Variants in SMYD3 observed in about 807,000 individuals in gnomAD.
The protein encoded by SMYD3 is SET and MYND domain containing 3.
In SMYD3, 36 loss-of-function variants were observed where a neutral mutation model predicts 57.7. The ratio of observed to expected loss-of-function variants is 0.62; its 90% CI spans 0.48 to 0.82. The LOEUF is 0.82. SMYD3 is among the 40% of genes least tolerant of loss of function. SMYD3 has a pLI of 0.00. For missense variants in SMYD3, 515 were observed against 538.8 expected (o/e 0.96, Z 0.44); for synonymous variants, 211 against 195.0 (o/e 1.08, Z -0.68).
At chr1:246,472,341 C>A (rs1475287969) in intron 1 of SMYD3, among the ~76,000 whole-genome samples, 1 of 152,158 alleles carries the variant, frequency 6.6e-6, no homozygotes, top group African/African-American at 2.4e-5. Context: ...CTGGAAGCAC[C>A]TTTTACTATG....
intron 10 of SMYD3, among the ~76,000 whole-genome samples, chr1:245,822,242 T>C (rs549105590): frequency 0.013 from 2,001 of 151,904 alleles, 29 homozygotes; most frequent in South Asian, 0.028. Flanking sequence ...TTCATGTCCT[T>C]TGTAGGGACA....
At chr1:246,160,602 G>A (rs1306909074) in intron 5 of SMYD3, among the ~76,000 whole-genome samples, 2 of 152,166 alleles carry the variant, frequency 1.3e-5, no homozygotes, top group South Asian at 2.1e-4. Context: ...AGTTTCCCGA[G>A]GAATCAGAGA....
At position 245,806,866 on chromosome 1, in the gene SMYD3, C is replaced by A. The variant is rs191767494; in HGVS notation, c.1077-42717G>T. Among the ~76,000 whole-genome samples the A allele has an allele frequency of 6.0e-5, 8 of 133,340 alleles. No individual in the cohort carries two copies. The East Asian group carries it at 1.2e-3, about 20-fold the overall frequency. The allele number at this position is 133,340 out of a possible 152,430, so 87.5% of individuals were successfully genotyped here. On this transcript the variant is annotated intron_variant, in intron 10 of 11. Coordinates refer to ENST00000490107, the MANE Select transcript of SMYD3 (RefSeq NM_001167740.2). ...CGGAGCTTGCAGTGAGCCGAGATCG[C>A]GCCACTGCAGTCCGCAATCCGGCCT...
intron 5 of SMYD3, among the ~76,000 whole-genome samples, chr1:246,249,746 T>C (rs2063771731): frequency 6.6e-6 from 1 of 152,242 alleles, no homozygotes; most frequent in South Asian, 2.1e-4. Flanking sequence ...TCTTATCAAC[T>C]AATAAGATCA....
intron 1 of SMYD3, among the ~76,000 whole-genome samples, chr1:246,452,418 T>C (rs747968182): frequency 1.3e-5 from 2 of 152,070 alleles, no homozygotes; most frequent in African/African-American, 2.4e-5. Context: ...ACGAGAATCG[T>C]TTGAACTCGT....
intron 10 of SMYD3, among the ~76,000 whole-genome samples, chr1:245,856,226 C>T (rs2051231667): frequency 6.6e-6 from 1 of 152,222 alleles, no homozygotes; most frequent in Non-Finnish European, 1.5e-5. Flanking sequence ...ATCTAACCTG[C>T]CCATTTCTCT....
At chr1:246,156,046 G>A (rs192319940) in intron 5 of SMYD3, among the ~76,000 whole-genome samples, 36 of 151,688 alleles carry the variant, frequency 2.4e-4, no homozygotes, top group South Asian at 2.1e-4. Context: ...TACAGAGTTC[G>A]AAGGACAGAA....
At chr1:246,073,166 T>C (rs1402430981) in intron 5 of SMYD3, among the ~76,000 whole-genome samples, 1 of 152,224 alleles carries the variant, frequency 6.6e-6, no homozygotes, top group African/African-American at 2.4e-5. Context: ...ACAGTTTGTC[T>C]GTTCATAGCT....
chr1:245,825,213 G>A (rs993916918), intron 10 of SMYD3, among the ~76,000 whole-genome samples: 2 of 152,088 alleles, frequency 1.3e-5, no homozygotes, highest in African/African-American at 2.4e-5. Context: ...CTTTGCCAGC[G>A]TGTGTCAGCC....
intron 5 of SMYD3, among the ~76,000 whole-genome samples, chr1:245,987,900 TAAAAAG>T (rs1262683269): frequency 6.6e-6 from 1 of 152,032 alleles, no homozygotes; most frequent in African/African-American, 2.4e-5. Flanking sequence ...CTCTGAAACT[TAAAAAG>T]AAAAAAGAAA....
chr1:245,895,448 C>G (rs1410772466), intron 8 of SMYD3, among the ~76,000 whole-genome samples: 5 of 152,150 alleles, frequency 3.3e-5, no homozygotes, highest in Non-Finnish European at 7.3e-5. Context: ...TTGGGCTCAT[C>G]ATCCCACCAG....
At chr1:246,362,459 C>CTCTCCT (rs2066006435) in intron 1 of SMYD3, among the ~76,000 whole-genome samples, 1 of 7,804 alleles carries the variant, frequency 1.3e-4, no homozygotes. Context: ...CTCCCTCTCC[C>CTCTCCT]TCTCCACGGT....
At chr1:245,889,918 A>G (rs1300135572) in intron 8 of SMYD3, among the ~76,000 whole-genome samples, 1 of 152,216 alleles carries the variant, frequency 6.6e-6, no homozygotes, top group African/African-American at 2.4e-5. Flanking sequence ...GAAATAGAGA[A>G]TCCAGAATTA....
chr1:246,371,740 A>C (rs930405332), intron 1 of SMYD3, among the ~76,000 whole-genome samples: 9 of 152,294 alleles, frequency 5.9e-5, no homozygotes, highest in African/African-American at 2.2e-4. Context: ...CTCTAGAAAA[A>C]TTCTCTCTCT....
intron 8 of SMYD3, among the ~76,000 whole-genome samples, chr1:245,891,330 T>A (rs1397634521): frequency 1.3e-5 from 2 of 152,218 alleles, no homozygotes; most frequent in Admixed American, 6.5e-5. Context: ...AATATTTATC[T>A]CATGTACCCA....
At chr1:246,476,430 T>C (rs1028469424) in intron 1 of SMYD3, among the ~76,000 whole-genome samples, 3 of 152,196 alleles carry the variant, frequency 2.0e-5, no homozygotes, top group Non-Finnish European at 4.4e-5. Flanking sequence ...CTGAGTTAAG[T>C]TGGTCTAAGA....
At chr1:246,380,489 A>G (rs1046231459) in intron 1 of SMYD3, among the ~76,000 whole-genome samples, 10 of 152,246 alleles carry the variant, frequency 6.6e-5, no homozygotes, top group African/African-American at 2.4e-4. Flanking sequence ...AAACTATGTG[A>G]TATTTTAAAT....
chr1:246,170,087 A>G (rs939819830), intron 5 of SMYD3, among the ~76,000 whole-genome samples: 11 of 152,180 alleles, frequency 7.2e-5, no homozygotes, highest in African/African-American at 2.7e-4. Context: ...CAGAAAACAC[A>G]GAATAAGGAA....
chr1:246,012,488 A>G (rs1266033839), intron 5 of SMYD3, among the ~76,000 whole-genome samples: 1 of 152,198 alleles, frequency 6.6e-6, no homozygotes, highest in Admixed American at 6.5e-5. Context: ...TTCCCTGGCA[A>G]GAAACCTTTG....
Sources: allele counts gnomAD v4.1 joint callset (sites outside exome capture counted in the v4.1 genomes callset), GRCh38; gene constraint gnomAD v4.1.1; transcripts MANE v1.5; gene names NCBI Gene and HGNC (gene_info 2026-07-23, HGNC 2026-07-21).